Variants in VRK2 observed in about 807,000 individuals in gnomAD.
VRK2 encodes the protein serine/threonine-protein kinase VRK2.
A neutral mutation model predicts 57.6 loss-of-function variants in VRK2; 60 were observed. That is an observed-to-expected ratio of 1.04 (90% CI 0.85 to 1.29). The LOEUF (loss-of-function observed/expected upper bound fraction) is 1.29, where lower values mean the gene tolerates loss of function less well. VRK2 is among the 50% of genes most tolerant of loss of function. VRK2 has a pLI of 0.00. For synonymous variants in VRK2, 231 were observed against 199.2 expected, an observed-to-expected ratio of 1.16 and a Z score of -1.35; for missense variants, 705 against 588.1, an observed-to-expected ratio of 1.20 and a Z score of -2.06.
intron 7 of VRK2, among the ~76,000 whole-genome samples, chr2:58,093,125 C>G (rs1094075): frequency 6.6e-6 from 1 of 152,166 alleles, no homozygotes; most frequent in Admixed American, 6.5e-5. Context: ...AATAAACATA[C>G]ATGTGCATGT....
chr2:57,987,713 G>A (rs1170053005), intron 1 of VRK2, among the ~76,000 whole-genome samples: 1 of 151,894 alleles, frequency 6.6e-6, no homozygotes, highest in Admixed American at 6.6e-5. Flanking sequence ...AATATTTGTA[G>A]TATATTTATT....
chr2:58,054,166 G>C (rs1676169052), intron 2 of VRK2, among the ~76,000 whole-genome samples: 1 of 151,958 alleles, frequency 6.6e-6, no homozygotes, highest in South Asian at 2.1e-4. Context: ...TCCATTAAAA[G>C]GGAGATTTAT....
rs564116877 is a variant in VRK2, at chr2:58,064,713, C to G, written c.136+15746C>G. 1.4e-3 allele frequency among the ~76,000 whole-genome samples: 207 copies of G among 152,012 alleles called. 1 individual carries two copies. Among genetic ancestry groups the G allele is most frequent in the African/African-American group, 4.9e-3 (203 of 41,452 alleles). On this transcript the variant is annotated intron_variant, in intron 2 of 12. Coordinates refer to ENST00000340157, the MANE Select transcript of VRK2 (RefSeq NM_006296.7). Reference sequence around the variant, plus strand: ...CATTACTAAAAGAGTTTGAAGATAACTGATTGTGCTATAATAATAAGTTAT... The same window carrying G: ...CATTACTAAAAGAGTTTGAAGATAAGTGATTGTGCTATAATAATAAGTTAT...
intron 7 of VRK2, among the ~76,000 whole-genome samples, chr2:58,102,396 G>A (rs1412358582): frequency 1.3e-5 from 2 of 150,180 alleles, no homozygotes; most frequent in Non-Finnish European, 3.0e-5. Flanking sequence ...TGAAGGCCAA[G>A]GGATTGAAAA....
At chr2:58,106,451 T>C (rs1229318180) in intron 7 of VRK2, among the ~76,000 whole-genome samples, 1 of 152,020 alleles carries the variant, frequency 6.6e-6, no homozygotes, top group Non-Finnish European at 1.5e-5. Context: ...TTACTAAATA[T>C]ACATCAAGGT....
intron 1 of VRK2, among the ~76,000 whole-genome samples, chr2:57,912,278 T>C (rs1670010467): frequency 6.6e-6 from 1 of 152,226 alleles, no homozygotes; most frequent in South Asian, 2.1e-4. Context: ...CTTATCTAAT[T>C]AATTCAGACA....
intron 11 of VRK2, among the ~76,000 whole-genome samples, chr2:58,140,410 A>G (rs932208244): frequency 3.9e-5 from 6 of 152,034 alleles, no homozygotes; most frequent in Non-Finnish European, 5.9e-5. Context: ...AGCATTTTTA[A>G]GCGGGTGGTG....
At chr2:58,006,082 A>C (rs952689667) in intron 1 of VRK2, among the ~76,000 whole-genome samples, 2 of 152,210 alleles carry the variant, frequency 1.3e-5, no homozygotes, top group African/African-American at 4.8e-5. Flanking sequence ...GGTAAAAAGT[A>C]TAACCCCTGA....
chr2:58,121,166 A>T (rs182685455), intron 7 of VRK2, among the ~76,000 whole-genome samples: 31 of 152,322 alleles, frequency 2.0e-4, no homozygotes, highest in African/African-American at 7.5e-4. Context: ...AAGGGGACTT[A>T]CAGCATCAGC....
Position 57,963,152 on chromosome 2 carries a change from T to C in VRK2, c.-439+55313T>C, listed in dbSNP as rs182777961. On this transcript the variant is annotated intron_variant, in intron 1 of 15. Coordinates refer to the VRK2 transcript ENST00000417641. ...AGTAGCACCTAGATGTCACAGCTAG[T>C]TCCCCAAAGCTAGATACCAGTCCTC... Among the ~76,000 whole-genome samples, 460 of 152,322 alleles carry C rather than the reference T, an allele frequency of 3.0e-3. 5 individuals are homozygous for C. The highest frequency in any genetic ancestry group is 9.4e-3 in the African/African-American group (389 of 41,576).
intron 1 of VRK2, among the ~76,000 whole-genome samples, chr2:57,979,006 C>T (rs942760552): frequency 1.6e-4 from 24 of 150,872 alleles, no homozygotes; most frequent in Middle Eastern, 3.2e-3. Flanking sequence ...TTTTTCTTTT[C>T]ATAGCTGCAT....
At chr2:58,086,311 CTT>C (rs751967907) in intron 4 of VRK2, 26 bp from the exon 5 acceptor site, 23 of 1,559,520 alleles carry the variant, frequency 1.5e-5, no homozygotes, top group African/African-American at 4.1e-5. Flanking sequence ...TAACATGAAT[CTT>C]TTTAAAAATA....
intron 1 of VRK2, among the ~76,000 whole-genome samples, chr2:57,987,610 A>C (rs764160851): frequency 2.0e-5 from 3 of 152,196 alleles, no homozygotes; most frequent in Non-Finnish European, 4.4e-5. Flanking sequence ...CTAATAAATT[A>C]AACATACACG....
At chr2:58,087,017 G>A (rs1671728116) in intron 5 of VRK2, among the ~76,000 whole-genome samples, 1 of 152,104 alleles carries the variant, frequency 6.6e-6, no homozygotes, top group Admixed American at 6.6e-5. Context: ...ATCTCTTGAG[G>A]AGAAGCACAA....
intron 1 of VRK2, among the ~76,000 whole-genome samples, chr2:57,946,869 CCA>C (rs1314501870): frequency 6.6e-6 from 1 of 152,042 alleles, no homozygotes; most frequent in Non-Finnish European, 1.5e-5. Context: ...TTAATCAACT[CCA>C]GTTTACTATA....
chr2:58,058,653 G>A (rs115370811), intron 2 of VRK2, among the ~76,000 whole-genome samples: 1,713 of 152,082 alleles, frequency 0.011, 36 homozygotes, highest in African/African-American at 0.039. Flanking sequence ...TAAATGCTGG[G>A]ACTAGTTTTT....
intron 1 of VRK2, among the ~76,000 whole-genome samples, chr2:57,969,241 G>A (rs1433950682): frequency 2.0e-5 from 3 of 151,978 alleles, no homozygotes; most frequent in Admixed American, 2.0e-4. Flanking sequence ...GATGGATAAT[G>A]TATTGGGAAC....
intron 1 of VRK2, among the ~76,000 whole-genome samples, chr2:58,006,547 G>A (rs1673250777): frequency 6.6e-6 from 1 of 152,124 alleles, no homozygotes; most frequent in African/African-American, 2.4e-5. Flanking sequence ...GAAAATCTTT[G>A]TGATCACTCT....
At chr2:58,137,224 C>CATGTATCATATATGATACATGTATCAT (rs1558687360) in intron 10 of VRK2, among the ~76,000 whole-genome samples, 118 of 65,112 alleles carry the variant, frequency 1.8e-3, no homozygotes, top group East Asian at 0.015. Context: ...ACATATATAT[C>CATGTATCATATATGATACATGTATCAT]ATATGATACA....
Sources: allele counts gnomAD v4.1 joint callset (sites outside exome capture counted in the v4.1 genomes callset), GRCh38; gene constraint gnomAD v4.1.1; transcripts MANE v1.5; gene names NCBI Gene and HGNC (gene_info 2026-07-23, HGNC 2026-07-21).